Variants in PDE1C observed in about 807,000 individuals in gnomAD.
The protein encoded by PDE1C is dual specificity calcium/calmodulin-dependent 3',5'-cyclic nucleotide phosphodiesterase 1C.
In PDE1C, 62 loss-of-function variants were observed where a neutral mutation model predicts 93.1. That is an observed-to-expected ratio of 0.67 (90% CI 0.54 to 0.82). The LOEUF (loss-of-function observed/expected upper bound fraction) is 0.82, where lower values mean the gene tolerates loss of function less well. PDE1C is among the 40% of genes least tolerant of loss of function. The pLI is 0.00. For synonymous variants in PDE1C, 325 were observed against 310.1 expected, an observed-to-expected ratio of 1.05 and a Z score of -0.50; for missense variants, 742 against 884.6, an observed-to-expected ratio of 0.84 and a Z score of 2.04.
chr7:31,727,694 C>G, the PDE1C span, among the ~76,000 whole-genome samples: 2 of 152,228 alleles, frequency 1.3e-5, no homozygotes, highest in African/African-American at 4.8e-5. Flanking sequence ...CTAAACACAG[C>G]TTTCTTTAAT....
intron 1 of PDE1C, among the ~76,000 whole-genome samples, chr7:32,219,402 G>A (rs571992167): frequency 1.3e-5 from 2 of 152,266 alleles, no homozygotes; most frequent in South Asian, 2.1e-4. Flanking sequence ...GTAGTAAAAC[G>A]CCATGAAAGG....
chr7:31,630,957 T>C, the PDE1C span, among the ~76,000 whole-genome samples: 1 of 152,146 alleles, frequency 6.6e-6, no homozygotes, highest in Non-Finnish European at 1.5e-5. Flanking sequence ...AACAGTCTTT[T>C]TAGAGAATAT....
intron 12 of PDE1C, among the ~76,000 whole-genome samples, chr7:31,827,881 T>C (rs897580373): frequency 4.6e-5 from 7 of 152,124 alleles, no homozygotes; most frequent in African/African-American, 1.7e-4. Flanking sequence ...TTCATGGAAG[T>C]AGATTCAACA....
the PDE1C span, among the ~76,000 whole-genome samples, chr7:31,668,563 C>G: frequency 1.3e-5 from 2 of 151,808 alleles, no homozygotes; most frequent in Middle Eastern, 3.2e-3. Flanking sequence ...ACTGAGTAAA[C>G]GAAACCAGCC....
chr7:32,261,018 G>A (rs1026800950), intron 1 of PDE1C, among the ~76,000 whole-genome samples: 10 of 152,112 alleles, frequency 6.6e-5, no homozygotes, highest in African/African-American at 1.9e-4. Flanking sequence ...GCTGAGGCAG[G>A]AGAATTGCTT....
At chr7:31,806,949 T>A (rs73090797) in intron 16 of PDE1C, among the ~76,000 whole-genome samples, 1,865 of 152,104 alleles carry the variant, frequency 0.012, 14 homozygotes, top group South Asian at 0.028. Context: ...ATTTCCTTTT[T>A]AAATTTTTCT....
At chr7:32,155,720 C>T (rs2128794025) in intron 3 of PDE1C, among the ~76,000 whole-genome samples, 1 of 152,308 alleles carries the variant, frequency 6.6e-6, no homozygotes, top group Admixed American at 6.5e-5. Flanking sequence ...GGACTCCTCA[C>T]AGGTAGCCCC....
intron 1 of PDE1C, among the ~76,000 whole-genome samples, chr7:32,306,048 C>A (rs911180282): frequency 6.6e-6 from 1 of 152,134 alleles, no homozygotes; most frequent in Non-Finnish European, 1.5e-5. Context: ...ATAAGTCTCA[C>A]GAGATCTGAT....
chr7:32,376,573 G>A (rs952337248), intron 1 of PDE1C, among the ~76,000 whole-genome samples: 1 of 152,150 alleles, frequency 6.6e-6, no homozygotes. Context: ...CCTTAAGCTC[G>A]AGGCCATCTC....
chr7:31,962,340 T>G (rs1809117617), intron 2 of PDE1C, among the ~76,000 whole-genome samples: 1 of 152,202 alleles, frequency 6.6e-6, no homozygotes. Flanking sequence ...CACAGAAAAG[T>G]GAGTCCTTTA....
intron 1 of PDE1C, among the ~76,000 whole-genome samples, chr7:32,408,662 G>A (rs1335015184): frequency 6.6e-6 from 1 of 152,100 alleles, no homozygotes; most frequent in Non-Finnish European, 1.5e-5. Flanking sequence ...GGTAGTGGGT[G>A]CCTGTAATCC....
intron 9 of PDE1C, among the ~76,000 whole-genome samples, chr7:31,847,417 T>C (rs1792774565): frequency 6.6e-6 from 1 of 152,072 alleles, no homozygotes; most frequent in Non-Finnish European, 1.5e-5. Flanking sequence ...TGTCCAATAA[T>C]TTCCTTAGAA....
intron 2 of PDE1C, among the ~76,000 whole-genome samples, chr7:31,965,961 C>T (rs1385950872): frequency 6.6e-6 from 1 of 152,130 alleles, no homozygotes; most frequent in Non-Finnish European, 1.5e-5. Context: ...GAAGGAAGCA[C>T]TAAACATGGA....
chr7:31,681,944 C>T, the PDE1C span, among the ~76,000 whole-genome samples: 1 of 152,122 alleles, frequency 6.6e-6, no homozygotes, highest in Non-Finnish European at 1.5e-5. Context: ...AGTGAGTCTC[C>T]CTTAACTGTA....
At chr7:31,994,142 G>C (rs1026160705) in intron 2 of PDE1C, among the ~76,000 whole-genome samples, 2 of 152,080 alleles carry the variant, frequency 1.3e-5, no homozygotes, top group African/African-American at 4.8e-5. Context: ...CAGAGGCAAA[G>C]CAACAATCAC....
the PDE1C span, among the ~76,000 whole-genome samples, chr7:31,633,545 G>C: frequency 6.6e-6 from 1 of 152,160 alleles, no homozygotes. Context: ...GCCTTAGAAG[G>C]AACAACTGCT....
chr7:31,631,971 G>A, the PDE1C span, among the ~76,000 whole-genome samples: 4 of 152,214 alleles, frequency 2.6e-5, no homozygotes, highest in African/African-American at 4.8e-5. Context: ...GTCCAGCACA[G>A]CAGAGGGCCC....
intron 3 of PDE1C, among the ~76,000 whole-genome samples, chr7:31,879,529 T>C (rs778619595): frequency 2.0e-5 from 3 of 152,206 alleles, no homozygotes; most frequent in Non-Finnish European, 4.4e-5. Flanking sequence ...AGATGGACCA[T>C]GTGACGTTAT....
chr7:31,950,941 C>G (rs1212533455), intron 2 of PDE1C, among the ~76,000 whole-genome samples: 4 of 152,142 alleles, frequency 2.6e-5, no homozygotes, highest in Non-Finnish European at 4.4e-5. Flanking sequence ...AACAACAGAA[C>G]TCAATTTTCT....
Sources: gnomAD v4.1 joint callset for allele counts (sites outside exome capture counted in the v4.1 genomes callset) on GRCh38, gnomAD v4.1.1 for gene constraint, MANE v1.5 for transcripts, NCBI Gene and HGNC (gene_info 2026-07-23, HGNC 2026-07-21) for gene names.